Variants in ZFYVE9 observed in about 807,000 individuals in gnomAD.
The protein encoded by ZFYVE9 is zinc finger FYVE domain-containing protein 9.
A neutral mutation model predicts 126.7 loss-of-function variants in ZFYVE9; 43 were observed. The ratio of observed to expected loss-of-function variants is 0.34; its 90% CI spans 0.27 to 0.44. ZFYVE9 has a LOEUF of 0.44. Ranked by LOEUF, ZFYVE9 falls within the 20% of genes least tolerant of loss-of-function variation. ZFYVE9 has a pLI of 1.00. For synonymous variants in ZFYVE9, 521 were observed against 597.4 expected (o/e 0.87, Z 1.87); for missense variants, 1,476 against 1,697.0 (o/e 0.87, Z 2.29).
chr1:52,181,387 C>T (rs1370510191), intron 1 of ZFYVE9, among the ~76,000 whole-genome samples: 2 of 152,218 alleles, frequency 1.3e-5, no homozygotes, highest in Non-Finnish European at 2.9e-5. Context: ...ACTCAGTGCT[C>T]AATGGTGCCC....
intron 14 of ZFYVE9, among the ~76,000 whole-genome samples, chr1:52,334,372 C>T (rs761140151): frequency 6.6e-6 from 1 of 152,158 alleles, no homozygotes; most frequent in Non-Finnish European, 1.5e-5. Flanking sequence ...CAAAAGCAGG[C>T]TGGAGGCCAG....
chr1:52,322,392 T>C (rs945673963), intron 13 of ZFYVE9, among the ~76,000 whole-genome samples: 1 of 145,364 alleles, frequency 6.9e-6, no homozygotes, highest in Admixed American at 6.7e-5. Context: ...TTTTTTTTTT[T>C]TTTTTGAGAC....
intron 4 of ZFYVE9, among the ~76,000 whole-genome samples, chr1:52,254,755 T>G (rs1279645507): frequency 6.6e-6 from 1 of 152,006 alleles, no homozygotes; most frequent in East Asian, 1.9e-4. Context: ...TCACTTGAGC[T>G]CAGGAGTTCG....
chr1:52,345,898 A>G lies in ZFYVE9; in HGVS notation c.4117-162A>G, dbSNP rs1337190762. 6.0e-6 allele frequency: 4 copies of G among 665,006 alleles called. No individual in the cohort carries two copies. In the Admixed American group the frequency reaches 1.0e-4, roughly 17 times the overall value. 41.2% of individuals were successfully genotyped at this position (665,006 alleles called of 1,614,324 possible). On this transcript the variant is annotated intron_variant, in intron 18 of 18. Transcript: ENST00000287727. ...GTGGTCAGGAGGAGTAAACAACAGGATAAGTGATCACCCAGAAAAGAGGAT... is the reference window on the plus strand; with the variant it reads ...GTGGTCAGGAGGAGTAAACAACAGGGTAAGTGATCACCCAGAAAAGAGGAT...
intron 1 of ZFYVE9, among the ~76,000 whole-genome samples, chr1:52,158,279 T>TC (rs1644421534): frequency 6.6e-6 from 1 of 152,224 alleles, no homozygotes; most frequent in East Asian, 1.9e-4. Context: ...TTGCCATTCT[T>TC]TTGGGGATTA....
At chr1:52,306,953 A>G (rs2762830) in intron 13 of ZFYVE9, among the ~76,000 whole-genome samples, 12,130 of 152,230 alleles carry the variant, frequency 0.08, 659 homozygotes, top group African/African-American at 0.15. Context: ...CATGGGATCC[A>G]GGCTGGTAGT....
chr1:52,286,950 A>AT (rs1362442921), intron 10 of ZFYVE9, among the ~76,000 whole-genome samples: 1 of 151,962 alleles, frequency 6.6e-6, no homozygotes, highest in Non-Finnish European at 1.5e-5. Context: ...CAACCGTGCT[A>AT]TTTCCCCACA....
At chr1:52,335,871 C>T (rs527859034) in intron 15 of ZFYVE9, among the ~76,000 whole-genome samples, 1 of 150,952 alleles carries the variant, frequency 6.6e-6, no homozygotes, top group Non-Finnish European at 1.5e-5. Flanking sequence ...CGGTGGCTCA[C>T]GCCTGTAATC....
intron 1 of ZFYVE9, among the ~76,000 whole-genome samples, chr1:52,159,419 T>G (rs1297900725): frequency 6.6e-6 from 1 of 151,974 alleles, no homozygotes; most frequent in Non-Finnish European, 1.5e-5. Flanking sequence ...AGGACTTCCG[T>G]GAAAGGAAAG....
intron 4 of ZFYVE9, among the ~76,000 whole-genome samples, chr1:52,253,141 G>A (rs1435034603): frequency 5.3e-5 from 8 of 152,174 alleles, no homozygotes; most frequent in Non-Finnish European, 1.2e-4. Context: ...GTGACAGAGT[G>A]AGACCCTGTC....
intron 4 of ZFYVE9, chr1:52,253,812 G>A: frequency 1.3e-6 from 2 of 1,581,174 alleles, no homozygotes; most frequent in South Asian, 2.2e-5. Context: ...CTCATTTAGT[G>A]AACATCCAAT....
chr1:52,191,589 A>G (rs767611450), intron 1 of ZFYVE9, among the ~76,000 whole-genome samples: 8 of 152,328 alleles, frequency 5.3e-5, no homozygotes, highest in Middle Eastern at 3.4e-3. Context: ...CCACAGTCCT[A>G]TGACCCAGAT....
At chr1:52,189,919 C>T (rs1644801729) in intron 1 of ZFYVE9, 1 of 152,522 alleles carries the variant, frequency 6.6e-6, no homozygotes, top group Non-Finnish European at 1.5e-5. Flanking sequence ...GTATCCTGGG[C>T]TTGGGATACT....
chr1:52,233,322 A>G (rs1407579440), intron 3 of ZFYVE9, 46 bp downstream of exon 3: 2 of 1,397,624 alleles, frequency 1.4e-6, no homozygotes, highest in Middle Eastern at 1.8e-4. Context: ...TGGTATAGAG[A>G]ATGTGGGGAT....
intron 2 of ZFYVE9, among the ~76,000 whole-genome samples, chr1:52,230,229 G>A (rs771326180): frequency 7.9e-5 from 12 of 152,092 alleles, no homozygotes; most frequent in Non-Finnish European, 1.8e-4. Context: ...TCAGCAAAGC[G>A]AGAGGGGTTC....
intron 1 of ZFYVE9, among the ~76,000 whole-genome samples, chr1:52,194,861 CTATT>C (rs1644846557): frequency 6.6e-6 from 1 of 152,062 alleles, no homozygotes; most frequent in Non-Finnish European, 1.5e-5. Flanking sequence ...TATTATATGT[CTATT>C]TAATGGAATG....
rs781399509 is a variant in ZFYVE9, at chr1:52,268,563, C to G, written c.2556C>G (p.Ser852=). Residue 852 remains serine, a synonymous_variant, in exon 7 of 19, where the codon TCC becomes TCG. Transcript: ENST00000287727. ...DAAKLTMNGT[S]SAGTLAVSHD... The stretch of plus-strand genomic sequence containing the variant: ...CCAAATTAACAATGAATGGAACTTC[C>G]TCTGCAGGAACCCTGGCTGTGTCAC... 1.2e-6 allele frequency: 2 copies of G among 1,614,190 alleles called. No homozygotes were observed. Among genetic ancestry groups the G allele is most frequent in the Non-Finnish European group, 1.7e-6 (2 of 1,180,026 alleles).
intron 3 of ZFYVE9, among the ~76,000 whole-genome samples, chr1:52,235,633 CT>C (rs754886641): frequency 1.2e-4 from 19 of 152,138 alleles, no homozygotes; most frequent in Non-Finnish European, 2.2e-4. Context: ...CTTTTCACTA[CT>C]TCTTTACACT....
At chr1:52,225,798 G>A (rs1455281249) in intron 2 of ZFYVE9, among the ~76,000 whole-genome samples, 1 of 152,110 alleles carries the variant, frequency 6.6e-6, no homozygotes, top group East Asian at 1.9e-4. Context: ...CAAGGTTGAG[G>A]ACACCCAAGA....
Sources: gnomAD v4.1 joint callset for allele counts (sites outside exome capture counted in the v4.1 genomes callset) on GRCh38, gnomAD v4.1.1 for gene constraint, MANE v1.5 for transcripts, NCBI Gene and HGNC (gene_info 2026-07-23, HGNC 2026-07-21) for gene names.